Variants in MSH3 observed in about 807,000 individuals in gnomAD.
The protein encoded by MSH3 is DNA mismatch repair protein Msh3.
MSH3 carries 106 observed loss-of-function variants against 123.3 expected under a neutral mutation model. The ratio of observed to expected loss-of-function variants is 0.86; its 90% CI spans 0.73 to 1.01. MSH3 has a LOEUF of 1.01. MSH3 is among the 50% of genes least tolerant of loss of function. MSH3 has a pLI of 0.00. For synonymous variants in MSH3, 515 were observed against 481.4 expected, an observed-to-expected ratio of 1.07 and a Z score of -0.91; for missense variants, 1,459 against 1,347.6, an observed-to-expected ratio of 1.08 and a Z score of -1.29.
At chr5:80,779,977 A>T (rs992458373) in intron 17 of MSH3, among the ~76,000 whole-genome samples, 1 of 152,170 alleles carries the variant, frequency 6.6e-6, no homozygotes. Flanking sequence ...TACATGTTGC[A>T]TTTGGTAATT....
Position 80,809,683 on chromosome 5 carries a change from G to A in MSH3, c.2656-3901G>A, listed in dbSNP as rs138576619. On this transcript the variant is annotated intron_variant, in intron 19 of 23. Transcript: ENST00000265081. ...ACCCTTCTGTGCGGTATTCTCTCTG[G>A]CATTGCATTCTTACATTACATTCTC... Among the ~76,000 whole-genome samples the A allele has an allele frequency of 5.7e-4, 87 of 152,082 alleles. 1 individual carries two copies. Among genetic ancestry groups the A allele is most frequent in the African/African-American group, 2.0e-3 (83 of 41,490 alleles).
At chr5:80,768,772 A>G in intron 14 of MSH3, 63 bp from the exon 15 acceptor site, 1 of 1,395,530 alleles carries the variant, frequency 7.2e-7, no homozygotes, top group Non-Finnish European at 1.0e-6. Flanking sequence ...ACTATGAAAA[A>G]TAAGCGATAA....
intron 20 of MSH3, among the ~76,000 whole-genome samples, chr5:80,849,538 T>A (rs1745793032): frequency 6.6e-6 from 1 of 152,170 alleles, no homozygotes; most frequent in Non-Finnish European, 1.5e-5. Context: ...AAACCTCAGT[T>A]CTTGACTTTT....
At chr5:80,832,132 C>CA (rs1231783080) in intron 20 of MSH3, among the ~76,000 whole-genome samples, 3 of 135,026 alleles carry the variant, frequency 2.2e-5, no homozygotes, top group Non-Finnish European at 3.2e-5. Context: ...AACAAAAAAA[C>CA]AAAAAAAACT....
At chr5:80,865,182 C>T (rs530972776) in intron 22 of MSH3, among the ~76,000 whole-genome samples, 120 of 152,156 alleles carry the variant, frequency 7.9e-4, no homozygotes, top group Non-Finnish European at 1.5e-3. Context: ...ACCCTTTTCT[C>T]TTTTTTTACA....
Position 80,657,302 on chromosome 5 carries a change from G to A in MSH3, c.358+771G>A, listed in dbSNP as rs552365326. Among the ~76,000 whole-genome samples the A allele has an allele frequency of 9.9e-5, 15 of 152,280 alleles. No individual in the cohort carries two copies. In the East Asian group the frequency reaches 2.9e-3, roughly 29 times the overall value. On this transcript the variant is annotated intron_variant, in intron 2 of 23. Transcript: ENST00000265081. ...CTAAAAATACAAAAATTAGTTGGGC[G>A]TGCTGGTAGTTGCCTGTAATCCCAG...
chr5:80,848,790 A>G (rs1345705619), intron 20 of MSH3, among the ~76,000 whole-genome samples: 1 of 152,056 alleles, frequency 6.6e-6, no homozygotes, highest in East Asian at 1.9e-4. Flanking sequence ...TTGTGTGGGG[A>G]CACAGAGTCA....
intron 17 of MSH3, among the ~76,000 whole-genome samples, chr5:80,783,852 G>C (rs1485046425): frequency 6.6e-6 from 1 of 152,142 alleles, no homozygotes; most frequent in East Asian, 1.9e-4. Context: ...GACCGGATGG[G>C]TCAGTAATTA....
At chr5:80,739,558 G>T (rs577510055) in intron 10 of MSH3, among the ~76,000 whole-genome samples, 2 of 152,274 alleles carry the variant, frequency 1.3e-5, no homozygotes, top group South Asian at 2.1e-4. Context: ...GAGGGTAGAG[G>T]CACAACATAA....
Position 80,864,881 on chromosome 5 carries a change from C to G in MSH3, c.3069C>G (p.His1023Gln), listed in dbSNP as rs771861205. ...GTGAACTAGAAAAAAATTACTCACA[C>G]CAGGTGGGGAATTACCACATGGGAT... ...PVCELEKNYS[H>Q]QVGNYHMGFL... is the part of the protein sequence containing the mutation. The change falls in exon 22 of 24, where the codon CAC becomes CAG. Residue 1023 changes from histidine (H) to glutamine (Q), a missense_variant. His to Gln is a conservative substitution (Grantham distance 24). Transcript: ENST00000265081. 1.4e-5 allele frequency: 23 copies of G among 1,613,384 alleles called. No homozygotes were observed. Among genetic ancestry groups the G allele is most frequent in the Non-Finnish European group, 1.9e-5 (22 of 1,179,390 alleles).
rs192529342 is a variant in MSH3 at position 80,722,149 on chromosome 5, G to A, written c.1341-3304G>A. Among the ~76,000 whole-genome samples, 381 of 152,216 alleles carry A rather than the reference G, an allele frequency of 2.5e-3. 3 individuals are homozygous for A. The highest frequency in any genetic ancestry group is 8.8e-3 in the African/African-American group (367 of 41,530). ...TTTCACTATTGTTTATTTATTACAA[G>A]GCATTGTAATTGAACTTTTAAATCA... is the stretch of plus-strand genomic sequence containing the variant. On this transcript the variant is annotated intron_variant, in intron 8 of 23. Coordinates refer to ENST00000265081, the MANE Select transcript of MSH3 (RefSeq NM_002439.5).
At chr5:80,698,186 G>A (rs1750527440) in intron 8 of MSH3, among the ~76,000 whole-genome samples, 1 of 152,136 alleles carries the variant, frequency 6.6e-6, no homozygotes, top group Admixed American at 6.5e-5. Flanking sequence ...TACAAGCGTG[G>A]ACCATTGCGC....
rs553293373 is a variant in MSH3 at position 80,678,382 on chromosome 5, A to G, written c.1174-545A>G. On this transcript the variant is annotated intron_variant, in intron 7 of 23. Transcript: ENST00000265081. ...GATTATTCTACTGGATAGACTGTCT[A>G]CTTGGGCTTCATTCAGAGTTTGATA... 3.0e-3 allele frequency among the ~76,000 whole-genome samples: 458 copies of G among 152,316 alleles called. 1 individual carries two copies. The highest frequency in any genetic ancestry group is 4.3e-3 in the Non-Finnish European group (291 of 68,036).
intron 20 of MSH3, among the ~76,000 whole-genome samples, chr5:80,815,701 A>T (rs1745092590): frequency 6.6e-6 from 1 of 152,214 alleles, no homozygotes; most frequent in Admixed American, 6.5e-5. Context: ...TTTTTTTAGG[A>T]CATAGTAGGT....
At chr5:80,712,246 C>G (rs900756506) in intron 8 of MSH3, among the ~76,000 whole-genome samples, 1 of 152,090 alleles carries the variant, frequency 6.6e-6, no homozygotes, top group Non-Finnish European at 1.5e-5. Flanking sequence ...ATCCTGTAAT[C>G]CATTTTTTCT....
At chr5:80,692,816 A>G (rs1750340640) in intron 8 of MSH3, among the ~76,000 whole-genome samples, 1 of 133,324 alleles carries the variant, frequency 7.5e-6, no homozygotes, top group South Asian at 2.4e-4. Context: ...TGTTTAGATA[A>G]ATATACATAC....
chr5:80,658,649 A>C (rs1338278976), intron 2 of MSH3, among the ~76,000 whole-genome samples: 3 of 152,168 alleles, frequency 2.0e-5, no homozygotes, highest in Non-Finnish European at 4.4e-5. Flanking sequence ...GCTGGAGTGT[A>C]GTGGCAGGGT....
At chr5:80,771,904 T>C (rs1418115897) in intron 15 of MSH3, among the ~76,000 whole-genome samples, 3 of 152,178 alleles carry the variant, frequency 2.0e-5, no homozygotes, top group African/African-American at 7.2e-5. Context: ...AAGAAATTAA[T>C]GAAAGCAGAA....
intron 20 of MSH3, among the ~76,000 whole-genome samples, chr5:80,840,905 T>A (rs1286552128): frequency 6.7e-6 from 1 of 149,428 alleles, no homozygotes; most frequent in Admixed American, 6.7e-5. Context: ...TTTTAAGAAA[T>A]GCTCTTTTTT....
Sources: gnomAD v4.1 joint callset for allele counts (sites outside exome capture counted in the v4.1 genomes callset) on GRCh38, gnomAD v4.1.1 for gene constraint, MANE v1.5 for transcripts, NCBI Gene and HGNC (gene_info 2026-07-23, HGNC 2026-07-21) for gene names.